The following SPSB4 variants were observed in gnomAD, a reference collection of about 807,000 sequenced individuals.
SPSB4 encodes the protein splA/ryanodine receptor domain and SOCS box containing 4, also known as SPRY domain-containing SOCS box protein 4.
Under a neutral mutation model 20.9 loss-of-function variants are expected in SPSB4, and 21 were observed. The observed-to-expected ratio is 1.01, with a 90% CI of 0.71 to 1.45. The LOEUF is 1.45. Among genes scored for constraint, SPSB4 ranks in the 40% most tolerant of loss-of-function variants. The probability of loss-of-function intolerance (pLI) is 0.00; values close to 1 mark genes in which losing one functional copy is unlikely to be tolerated. For missense variants in SPSB4, 399 were observed against 399.2 expected (o/e 1.00, Z 0.00); for synonymous variants, 207 against 183.8 (o/e 1.13, Z -1.02).
chr3:141,124,024 G>C (rs574831857), intron 2 of SPSB4: 26 of 152,270 alleles, frequency 1.7e-4, no homozygotes, highest in African/African-American at 5.3e-4. Context: ...ACCTTGCCAG[G>C]CTTCTTCAGT....
intron 2 of SPSB4, among the ~76,000 whole-genome samples, chr3:141,107,671 T>C (rs1343779111): frequency 1.3e-5 from 2 of 152,228 alleles, no homozygotes; most frequent in South Asian, 2.1e-4. Context: ...AGATTTTTAT[T>C]TGTGCCCAGG....
At chr3:141,060,484 C>T (rs1444466615) in intron 1 of SPSB4, among the ~76,000 whole-genome samples, 2 of 152,246 alleles carry the variant, frequency 1.3e-5, no homozygotes, top group African/African-American at 2.4e-5. Context: ...AGTCCTGCCA[C>T]TTCCTGGCTG....
chr3:141,097,407 G>A (rs1238521553), intron 2 of SPSB4, among the ~76,000 whole-genome samples: 4 of 152,108 alleles, frequency 2.6e-5, no homozygotes, highest in African/African-American at 9.7e-5. Flanking sequence ...CCCATATTCT[G>A]TTTTTGTTTG....
chr3:141,054,199 C>A (rs566821468), intron 1 of SPSB4, among the ~76,000 whole-genome samples: 8 of 152,260 alleles, frequency 5.3e-5, no homozygotes, highest in Middle Eastern at 3.4e-3. Flanking sequence ...CTGAGCTGCC[C>A]GACCTGTTGT....
At chr3:141,141,157 G>A (rs1252696043) in intron 2 of SPSB4, among the ~76,000 whole-genome samples, 1 of 152,242 alleles carries the variant, frequency 6.6e-6, no homozygotes, top group Admixed American at 6.5e-5. Flanking sequence ...CTCCTGGTGT[G>A]CCGTTTGTTT....
In SPSB4 at chr3:141,066,066, T is replaced by A. The variant is rs747653197; in HGVS notation, c.-39T>A. 6.3e-5 allele frequency: 92 copies of A among 1,464,174 alleles called. No individual in the cohort carries two copies. Among genetic ancestry groups the A allele is most frequent in the Non-Finnish European group, 7.4e-5 (82 of 1,115,306 alleles). The allele number at this position is 1,464,174 out of a possible 1,614,324, so 90.7% of individuals were successfully genotyped here. A position where few individuals can be genotyped will look rare whatever the true frequency, so the allele number is the denominator to read the frequency against. On this transcript the variant is annotated 5_prime_UTR_variant, in exon 2 of 3. The change abolishes the stop of an existing upstream ORF in the 5' untranslated region. Transcript: ENST00000310546. ...ACGGGGAGTGGAGGCTCCCACGAGG[T>A]AGCGGTGGCCTGCAGCGGCCTCCTC...
At chr3:141,096,246 G>C (rs893770890) in intron 2 of SPSB4, among the ~76,000 whole-genome samples, 1 of 152,202 alleles carries the variant, frequency 6.6e-6, no homozygotes, top group African/African-American at 2.4e-5. Context: ...AGTTGAATAA[G>C]ATGGCACATG....
chr3:141,093,525 C>T (rs1357201487), intron 2 of SPSB4, among the ~76,000 whole-genome samples: 1 of 152,004 alleles, frequency 6.6e-6, no homozygotes, highest in Non-Finnish European at 1.5e-5. Context: ...AGTGTTTGAG[C>T]TTAGGTGACA....
intron 2 of SPSB4, among the ~76,000 whole-genome samples, chr3:141,107,636 C>T (rs1938719837): frequency 6.6e-6 from 1 of 152,236 alleles, no homozygotes; most frequent in Admixed American, 6.5e-5. Flanking sequence ...TACATCCCCT[C>T]TGCTAGTCTC....
chr3:141,072,094 C>G (rs977947267), intron 2 of SPSB4, among the ~76,000 whole-genome samples: 1 of 152,242 alleles, frequency 6.6e-6, no homozygotes, highest in African/African-American at 2.4e-5. Flanking sequence ...TGCCCCCATC[C>G]CTTATCAATC....
chr3:141,093,658 G>A (rs766963725), intron 2 of SPSB4, among the ~76,000 whole-genome samples: 8 of 152,110 alleles, frequency 5.3e-5, no homozygotes, highest in Non-Finnish European at 1.0e-4. Context: ...GGGCCATGCC[G>A]GCTGCCAAGG....
chr3:141,110,780 C>A (rs1938784000), intron 2 of SPSB4, among the ~76,000 whole-genome samples: 2 of 152,212 alleles, frequency 1.3e-5, no homozygotes, highest in Non-Finnish European at 2.9e-5. Context: ...CTTATGGCCA[C>A]ACCTAACTTC....
chr3:141,106,637 AAT>A (rs1938693514), intron 2 of SPSB4, among the ~76,000 whole-genome samples: 1 of 152,218 alleles, frequency 6.6e-6, no homozygotes, highest in Non-Finnish European at 1.5e-5. Flanking sequence ...TAATAAAAGG[AAT>A]ATATGTGCTT....
At chr3:141,118,034 G>C (rs1299391211) in intron 2 of SPSB4, among the ~76,000 whole-genome samples, 1 of 152,202 alleles carries the variant, frequency 6.6e-6, no homozygotes, top group African/African-American at 2.4e-5. Flanking sequence ...TGGGATTGCT[G>C]GGTCAAATGG....
At position 141,148,471 on chromosome 3, in the gene SPSB4, A is replaced by G. The variant is rs1392062581; in HGVS notation, c.*1202A>G. ...CACTCTCTGCCCAGACTCATTTTTA[A>G]CTGGAAATCATCACAGCAGTGGGAT... On this transcript the variant is annotated 3_prime_UTR_variant, in exon 3 of 3. Transcript: ENST00000310546. This position sits in a 1 kb window ranked among gnomAD's most constrained non-coding sequence, Gnocchi z 4.5. 1 of 152,670 alleles carries G rather than the reference A, an allele frequency of 6.6e-6. No individual in the cohort carries two copies. The highest frequency in any genetic ancestry group is 1.5e-5 in the Non-Finnish European group (1 of 68,082). 9.5% of individuals were successfully genotyped at this position (152,670 alleles called of 1,614,324 possible). A position where few individuals can be genotyped will look rare whatever the true frequency, so the allele number is the denominator to read the frequency against.
intron 2 of SPSB4, among the ~76,000 whole-genome samples, chr3:141,104,640 GT>G (rs563628422): frequency 7.2e-4 from 110 of 152,348 alleles, no homozygotes; most frequent in African/African-American, 2.6e-3. Flanking sequence ...GCAGGCAGTG[GT>G]GTCTGCAGAC....
At position 141,134,345 on chromosome 3, in the gene SPSB4, CATATACTGTTGA is replaced by C. The variant is rs1423040165; in HGVS notation, c.695-12793_695-12782del. 2.0e-5 allele frequency among the ~76,000 whole-genome samples: 3 copies of C among 152,106 alleles called. No individual in the cohort carries two copies. The East Asian group carries it at 5.8e-4, about 29-fold the overall frequency. On this transcript the variant is annotated intron_variant, in intron 2 of 2. Coordinates refer to ENST00000310546, the MANE Select transcript of SPSB4 (RefSeq NM_080862.3). ...TGACTGTTCTGGCTAGGACTTCCAG[CATATACTGTTGA>C]ATAGCAGTGGTGAAAGTGGGCATCC...
intron 2 of SPSB4, among the ~76,000 whole-genome samples, chr3:141,068,623 A>G (rs1937935043): frequency 6.6e-6 from 1 of 152,140 alleles, no homozygotes; most frequent in Non-Finnish European, 1.5e-5. Context: ...CATCTGCAAA[A>G]TGGGATAGTA....
rs968715930 is a variant in SPSB4, at chr3:141,147,367, C to T, written c.*98C>T. ...TGGCACATAGGGGAAAGGATCTACC[C>T]TTCTCCTGGCTCCCCAGGACACTCA... is the stretch of plus-strand genomic sequence containing the variant. On this transcript the variant is annotated 3_prime_UTR_variant, in exon 3 of 3. Coordinates refer to ENST00000310546, the MANE Select transcript of SPSB4 (RefSeq NM_080862.3). 6.5e-7 allele frequency: 1 copy of T among 1,547,166 alleles called. No homozygotes were observed.
Sources: allele counts gnomAD v4.1 joint callset (sites outside exome capture counted in the v4.1 genomes callset), GRCh38; gene constraint gnomAD v4.1.1; non-coding constraint Gnocchi (gnomAD v3.1); transcripts MANE v1.5; gene names NCBI Gene and HGNC (gene_info 2026-07-23, HGNC 2026-07-21).